LYRM4: variants seen among roughly 807,000 people sequenced by gnomAD.
The protein encoded by LYRM4 is LYR motif-containing protein 4.
LYRM4 carries 9 observed loss-of-function variants against 11.7 expected under a neutral mutation model. That is an observed-to-expected ratio of 0.77 (90% CI 0.46 to 1.34). LYRM4 has a LOEUF of 1.34. LYRM4 is among the 40% of genes most tolerant of loss of function. The pLI is 0.00. For missense variants in LYRM4, 133 were observed against 112.5 expected (o/e 1.18, Z -0.82); for synonymous variants, 42 against 40.4 (o/e 1.04, Z -0.15).
chr6:5,077,394 G>A, the LYRM4 span, among the ~76,000 whole-genome samples: 1 of 152,216 alleles, frequency 6.6e-6, no homozygotes, highest in Non-Finnish European at 1.5e-5. Context: ...GTTCCTCCCA[G>A]AAGCTGAAAG....
chr6:5,213,085 C>T (rs920267458), intron 2 of LYRM4, among the ~76,000 whole-genome samples: 2 of 152,130 alleles, frequency 1.3e-5, no homozygotes, highest in African/African-American at 4.8e-5. Context: ...TAAATACCAT[C>T]GGAACAAAAT....
the LYRM4 span, among the ~76,000 whole-genome samples, chr6:5,057,691 G>A: frequency 2.6e-5 from 4 of 151,148 alleles, no homozygotes; most frequent in Non-Finnish European, 5.9e-5. Flanking sequence ...CTCTAGCCTG[G>A]GCGACAGAGC....
downstream of LYRM4, among the ~76,000 whole-genome samples, chr6:5,099,682 A>G (rs1762443021): frequency 2.0e-5 from 3 of 152,098 alleles, no homozygotes. The surrounding 1 kb of genome is among the most constrained non-coding windows in gnomAD (Gnocchi z 4.3). Flanking sequence ...GCCTCGAGCA[A>G]TCCTCCCACC....
chr6:5,200,306 C>T (rs1761313131), intron 2 of LYRM4, among the ~76,000 whole-genome samples: 1 of 152,134 alleles, frequency 6.6e-6, no homozygotes, highest in African/African-American at 2.4e-5. Flanking sequence ...ATGAGGACTC[C>T]ACTCTCGAGG....
intron 1 of LYRM4, among the ~76,000 whole-genome samples, chr6:5,227,643 C>G (rs1002296012): frequency 1.3e-5 from 2 of 152,060 alleles, no homozygotes; most frequent in East Asian, 1.9e-4. Context: ...GGTATATACC[C>G]AAAGGATTAT....
chr6:5,093,870 G>T, the LYRM4 span, among the ~76,000 whole-genome samples: 14 of 152,196 alleles, frequency 9.2e-5, no homozygotes, highest in Non-Finnish European at 1.5e-4. Context: ...TTTCTTCAGG[G>T]TCTGAAAATG....
chr6:5,217,707 T>G (rs1291462387), intron 1 of LYRM4, among the ~76,000 whole-genome samples: 1 of 152,220 alleles, frequency 6.6e-6, no homozygotes, highest in Non-Finnish European at 1.5e-5. Flanking sequence ...TCATCCTGCA[T>G]CCTTACAGTC....
chr6:5,230,403 G>A (rs538908623), intron 1 of LYRM4, among the ~76,000 whole-genome samples: 12 of 152,138 alleles, frequency 7.9e-5, no homozygotes, highest in African/African-American at 2.9e-4. Flanking sequence ...CCATGTATAT[G>A]GCAAAGATTT....
At chr6:5,057,137 A>T in the LYRM4 span, among the ~76,000 whole-genome samples, 7 of 152,292 alleles carry the variant, frequency 4.6e-5, no homozygotes, top group Non-Finnish European at 1.0e-4. Context: ...TAAAAAGGCA[A>T]ATCATGTCTT....
chr6:5,255,269 G>A (rs1764613157), intron 1 of LYRM4, among the ~76,000 whole-genome samples: 1 of 152,166 alleles, frequency 6.6e-6, no homozygotes, highest in Non-Finnish European at 1.5e-5. Flanking sequence ...TCTCTCATGA[G>A]TATACAGGGG....
intron 2 of LYRM4, among the ~76,000 whole-genome samples, chr6:5,179,065 C>CAAAAAAAAAAA (rs58749743): frequency 1.4e-3 from 141 of 103,666 alleles, no homozygotes; most frequent in Middle Eastern, 6.1e-3. Flanking sequence ...ACCAAAAAAA[C>CAAAAAAAAAAA]AAAAAAAAAA....
At chr6:5,184,274 C>T (rs543717590) in intron 2 of LYRM4, among the ~76,000 whole-genome samples, 19 of 152,192 alleles carry the variant, frequency 1.2e-4, no homozygotes, top group East Asian at 7.7e-4. Flanking sequence ...ATATAAATGG[C>T]GAGTGGCATG....
At chr6:5,119,470 T>C (rs1174679527) in intron 2 of LYRM4, among the ~76,000 whole-genome samples, 2 of 152,060 alleles carry the variant, frequency 1.3e-5, no homozygotes, top group Admixed American at 6.6e-5. Context: ...CACCGGCTTG[T>C]TGTCTTTCTG....
At chr6:5,147,830 G>A (rs951601871) in intron 2 of LYRM4, among the ~76,000 whole-genome samples, 6 of 152,024 alleles carry the variant, frequency 3.9e-5, no homozygotes, top group Non-Finnish European at 2.9e-5. Context: ...TAATATTCCC[G>A]AGGAAGTAAC....
At chr6:5,111,261 T>C (rs1762867867) in intron 2 of LYRM4, among the ~76,000 whole-genome samples, 1 of 152,216 alleles carries the variant, frequency 6.6e-6, no homozygotes, top group South Asian at 2.1e-4. Context: ...ACTAGGCTAA[T>C]ACAAACAGTT....
At chr6:5,150,531 G>A (rs1404381169) in intron 2 of LYRM4, among the ~76,000 whole-genome samples, 1 of 152,120 alleles carries the variant, frequency 6.6e-6, no homozygotes, top group Non-Finnish European at 1.5e-5. Flanking sequence ...AAAATCCTGA[G>A]CACAGTGCCT....
intron 2 of LYRM4, among the ~76,000 whole-genome samples, chr6:5,169,519 A>G (rs1581426057): frequency 6.6e-6 from 1 of 152,246 alleles, no homozygotes; most frequent in South Asian, 2.1e-4. Context: ...TGCAGTGAGC[A>G]TGGGTTCTAA....
At chr6:5,180,074 C>T (rs1004958859) in intron 2 of LYRM4, among the ~76,000 whole-genome samples, 1 of 152,202 alleles carries the variant, frequency 6.6e-6, no homozygotes, top group African/African-American at 2.4e-5. Flanking sequence ...CAAATAATGA[C>T]TCAGCTAAAT....
intron 1 of LYRM4, among the ~76,000 whole-genome samples, chr6:5,226,240 T>C (rs575991488): frequency 1.3e-5 from 2 of 152,302 alleles, no homozygotes; most frequent in East Asian, 3.9e-4. Flanking sequence ...TAAAAAAATA[T>C]TCATCCATGT....
Sources: allele counts gnomAD v4.1 joint callset (sites outside exome capture counted in the v4.1 genomes callset), GRCh38; gene constraint gnomAD v4.1.1; non-coding constraint Gnocchi (gnomAD v3.1); transcripts MANE v1.5; gene names NCBI Gene and HGNC (gene_info 2026-07-23, HGNC 2026-07-21).